The following CSMD3 variants were observed in gnomAD, a reference collection of about 807,000 sequenced individuals.
CSMD3 encodes the protein CUB and sushi domain-containing protein 3.
In CSMD3, 177 loss-of-function variants were observed where a neutral mutation model predicts 435.2. The observed-to-expected ratio is 0.41, with a 90% CI of 0.36 to 0.46. The LOEUF is 0.46. Ranked by LOEUF, CSMD3 falls within the 20% of genes least tolerant of loss-of-function variation. The pLI is 0.34. For missense variants in CSMD3, 4,265 were observed against 4,504.6 expected (o/e 0.95, Z 1.52); for synonymous variants, 1,656 against 1,520.5 (o/e 1.09, Z -2.07).
chr8:112,893,069 TAAC>T lies in CSMD3; in HGVS notation c.1633+28555_1633+28557del, dbSNP rs1031187390. On this transcript the variant is annotated intron_variant, in intron 10 of 70. Transcript: ENST00000297405. ...GCTGCTGCTGCTACTACTACTACTA[TAAC>T]AACAACAACTACTACTACTACTACA... Among the ~76,000 whole-genome samples the T allele has an allele frequency of 3.2e-3, 482 of 151,276 alleles. 1 individual carries two copies. Among genetic ancestry groups the T allele is most frequent in the African/African-American group, 0.01 (423 of 41,322 alleles).
chr8:112,848,590 T>C (rs1307521114), intron 11 of CSMD3, among the ~76,000 whole-genome samples: 3 of 152,072 alleles, frequency 2.0e-5, no homozygotes, highest in African/African-American at 7.2e-5. Context: ...GGATGAAAAA[T>C]AAGCATATAT....
intron 1 of CSMD3, among the ~76,000 whole-genome samples, chr8:113,435,561 T>A (rs1021724560): frequency 3.9e-5 from 6 of 151,984 alleles, no homozygotes; most frequent in African/African-American, 1.4e-4. Context: ...GTCCAGTTTG[T>A]GTTGACAGCC....
intron 1 of CSMD3, among the ~76,000 whole-genome samples, chr8:113,356,802 A>C (rs1023894539): frequency 6.6e-6 from 1 of 152,166 alleles, no homozygotes; most frequent in African/African-American, 2.4e-5. Flanking sequence ...ACATCTACTT[A>C]GGAGTTACCT....
chr8:113,435,262 A>G (rs1019087658), intron 1 of CSMD3, among the ~76,000 whole-genome samples: 4 of 152,202 alleles, frequency 2.6e-5, no homozygotes, highest in Non-Finnish European at 4.4e-5. Context: ...TTCAAGGAGC[A>G]GGTTGGGATT....
At chr8:113,375,262 T>A (rs187439143) in intron 1 of CSMD3, among the ~76,000 whole-genome samples, 1 of 152,230 alleles carries the variant, frequency 6.6e-6, no homozygotes, top group South Asian at 2.1e-4. Flanking sequence ...TACAGAGTTG[T>A]TACACCAGAA....
chr8:112,817,752 T>C (rs1410978785), intron 12 of CSMD3, among the ~76,000 whole-genome samples: 2 of 152,084 alleles, frequency 1.3e-5, no homozygotes, highest in African/African-American at 4.8e-5. Context: ...AATAAATCTC[T>C]GAATTGTGAG....
chr8:112,262,579 G>C (rs1007434100), intron 61 of CSMD3, among the ~76,000 whole-genome samples: 4 of 152,070 alleles, frequency 2.6e-5, no homozygotes, highest in Non-Finnish European at 4.4e-5. Flanking sequence ...TTATATGTCA[G>C]TGATGAAATT....
chr8:112,639,427 A>G (rs2074755472), intron 20 of CSMD3, among the ~76,000 whole-genome samples: 1 of 152,178 alleles, frequency 6.6e-6, no homozygotes, highest in Admixed American at 6.6e-5. Flanking sequence ...TATTTGTCAC[A>G]CATTTCAACC....
chr8:113,129,180 T>G (rs1275577437), intron 4 of CSMD3, among the ~76,000 whole-genome samples: 1 of 152,160 alleles, frequency 6.6e-6, no homozygotes, highest in African/African-American at 2.4e-5. Flanking sequence ...TCCCTTTTCA[T>G]ATTGTGAGCA....
intron 1 of CSMD3, among the ~76,000 whole-genome samples, chr8:113,341,775 A>G (rs1320260207): frequency 6.6e-6 from 1 of 152,124 alleles, no homozygotes; most frequent in Non-Finnish European, 1.5e-5. Context: ...AGATTGTCCA[A>G]AGGATATTTT....
intron 63 of CSMD3, 91 bp from the exon 64 acceptor site, chr8:112,247,222 G>C: frequency 5.1e-6 from 4 of 780,420 alleles, no homozygotes; most frequent in Non-Finnish European, 9.0e-6. Context: ...GTTATCAAGT[G>C]AAATTCCGTA....
At chr8:113,431,237 T>C (rs1311986185) in intron 1 of CSMD3, among the ~76,000 whole-genome samples, 1 of 152,144 alleles carries the variant, frequency 6.6e-6, no homozygotes, top group Non-Finnish European at 1.5e-5. Context: ...AAAGTCCAAA[T>C]CAATATTTCC....
chr8:112,524,730 G>A (rs934850971), intron 27 of CSMD3, among the ~76,000 whole-genome samples: 22 of 151,838 alleles, frequency 1.4e-4, no homozygotes, highest in African/African-American at 5.1e-4. Context: ...ATATTATATT[G>A]ATGTATGTCT....
intron 3 of CSMD3, among the ~76,000 whole-genome samples, chr8:113,265,088 C>T (rs140463746): frequency 2.6e-5 from 4 of 151,648 alleles, no homozygotes; most frequent in East Asian, 1.9e-4. Flanking sequence ...TGTTGCTAAA[C>T]GTGTCATATC....
intron 42 of CSMD3, among the ~76,000 whole-genome samples, chr8:112,338,170 T>A (rs778529380): frequency 2.6e-5 from 4 of 152,208 alleles, no homozygotes; most frequent in Non-Finnish European, 4.4e-5. Context: ...TAATTGTTTT[T>A]CTACAGATCA....
At chr8:112,747,566 T>C (rs2077462042) in intron 13 of CSMD3, among the ~76,000 whole-genome samples, 1 of 152,178 alleles carries the variant, frequency 6.6e-6, no homozygotes, top group Non-Finnish European at 1.5e-5. Flanking sequence ...GTAAGTTTTT[T>C]TATCTTAGTT....
At chr8:112,625,831 T>C (rs1232388903) in intron 22 of CSMD3, among the ~76,000 whole-genome samples, 1 of 152,140 alleles carries the variant, frequency 6.6e-6, no homozygotes, top group African/African-American at 2.4e-5. Flanking sequence ...AACAACTTCC[T>C]AAAGCTCTAA....
chr8:113,280,299 T>C lies in CSMD3; in HGVS notation c.402-1595A>G, dbSNP rs184335504. On this transcript the variant is annotated intron_variant, in intron 2 of 70. Coordinates refer to ENST00000297405, the MANE Select transcript of CSMD3 (RefSeq NM_198123.2). Reference sequence around the variant, plus strand: ...CTGTGAATCTGTCTGGTCTTGGACTTTTTTTCGTTGCTAATTTTAAAATTA... The same window carrying C: ...CTGTGAATCTGTCTGGTCTTGGACTCTTTTTCGTTGCTAATTTTAAAATTA... Among the ~76,000 whole-genome samples, 133 of 151,952 alleles carry C rather than the reference T, an allele frequency of 8.8e-4. 1 individual carries two copies. Among genetic ancestry groups the C allele is most frequent in the Non-Finnish European group, 4.0e-4 (27 of 67,856 alleles).
intron 4 of CSMD3, among the ~76,000 whole-genome samples, chr8:113,146,549 T>C (rs2091678554): frequency 6.6e-6 from 1 of 151,558 alleles, no homozygotes; most frequent in Admixed American, 6.6e-5. Context: ...ATTCCTAAAA[T>C]AAGGTACATT....
Sources: gnomAD v4.1 joint callset for allele counts (sites outside exome capture counted in the v4.1 genomes callset) on GRCh38, gnomAD v4.1.1 for gene constraint, MANE v1.5 for transcripts, NCBI Gene and HGNC (gene_info 2026-07-23, HGNC 2026-07-21) for gene names.